Variants in RAB28 observed in about 807,000 individuals in gnomAD.
RAB28 encodes RAB28, member RAS oncogene family.
RAB28 carries 24 observed loss-of-function variants against 31.7 expected under a neutral mutation model. That is an observed-to-expected ratio of 0.76 (90% confidence interval 0.55 to 1.06). RAB28 has a LOEUF of 1.06. Among genes scored for constraint, RAB28 ranks in the 50% least tolerant of loss-of-function variants. The pLI, the probability that RAB28 is intolerant of heterozygous loss-of-function variation, is 0.00. For missense variants in RAB28, 254 were observed against 258.5 expected (o/e 0.98, Z 0.12); for synonymous variants, 100 against 90.4 (o/e 1.11, Z -0.60).
chr4:13,381,134 T>C (rs975395518), intron 5 of RAB28, among the ~76,000 whole-genome samples: 1 of 151,874 alleles, frequency 6.6e-6, no homozygotes, highest in Non-Finnish European at 1.5e-5. Context: ...ACAATATCTA[T>C]AATAAAGTAA....
intron 4 of RAB28, among the ~76,000 whole-genome samples, chr4:13,435,477 T>C (rs1268681221): frequency 6.6e-6 from 1 of 151,784 alleles, no homozygotes; most frequent in Non-Finnish European, 1.5e-5. Flanking sequence ...ACTGATAGAC[T>C]GCCAGATAAA....
chr4:13,399,978 A>C (rs1711651243), intron 4 of RAB28, among the ~76,000 whole-genome samples: 2 of 152,096 alleles, frequency 1.3e-5, no homozygotes, highest in African/African-American at 4.8e-5. Flanking sequence ...ATATTCTTTT[A>C]TTTTTTTATT....
chr4:13,399,959 G>A (rs1206063437), intron 4 of RAB28, among the ~76,000 whole-genome samples: 1 of 152,084 alleles, frequency 6.6e-6, no homozygotes, highest in African/African-American at 2.4e-5. Flanking sequence ...CACATTCTAA[G>A]TAGAAAAGAT....
Position 13,484,227 on chromosome 4 carries a change from G to T in RAB28, c.-77C>A. On this transcript the variant is annotated 5_prime_UTR_variant, in exon 1 of 7. Coordinates refer to ENST00000330852, the MANE Select transcript of RAB28 (RefSeq NM_001017979.3). ...TGAAGGCTCCGGGGGCGGGGGAGAG[G>T]AGGAAGGGAGGTAGTTGCGGCAGGA... 8.5e-7 allele frequency: 1 copy of T among 1,180,136 alleles called. No homozygotes were observed. The highest frequency in any genetic ancestry group is 1.2e-6 in the Non-Finnish European group (1 of 811,230). 73.1% of individuals were successfully genotyped at this position (1,180,136 alleles called of 1,614,324 possible). A position where few individuals can be genotyped will look rare whatever the true frequency, so the allele number is the denominator to read the frequency against.
chr4:13,476,008 C>G (rs138595227), intron 2 of RAB28, among the ~76,000 whole-genome samples: 1,759 of 151,554 alleles, frequency 0.012, 13 homozygotes, highest in Non-Finnish European at 0.018. Context: ...AAAGACAGTG[C>G]TTAACAATAC....
chr4:13,472,129 C>T (rs1407114866), intron 3 of RAB28, among the ~76,000 whole-genome samples: 2 of 151,676 alleles, frequency 1.3e-5, no homozygotes, highest in African/African-American at 4.8e-5. Flanking sequence ...TAAATGACAC[C>T]GATTATATAC....
At chr4:13,454,434 T>C (rs1460726290) in intron 4 of RAB28, among the ~76,000 whole-genome samples, 1 of 152,204 alleles carries the variant, frequency 6.6e-6, no homozygotes, top group Non-Finnish European at 1.5e-5. Context: ...TGTTGATTTC[T>C]ATGCATCTGG....
chr4:13,420,058 A>C (rs1713035030), intron 4 of RAB28, among the ~76,000 whole-genome samples: 1 of 152,222 alleles, frequency 6.6e-6, no homozygotes, highest in East Asian at 1.9e-4. Context: ...GATGCAATAA[A>C]AAATGATAAA....
intron 4 of RAB28, among the ~76,000 whole-genome samples, chr4:13,445,319 T>C (rs1269207579): frequency 1.3e-5 from 2 of 152,002 alleles, no homozygotes; most frequent in Non-Finnish European, 2.9e-5. Flanking sequence ...CATTGGGTTA[T>C]AGCTCAGCGA....
chr4:13,412,386 C>T (rs115012213), intron 4 of RAB28, among the ~76,000 whole-genome samples: 2 of 151,982 alleles, frequency 1.3e-5, no homozygotes, highest in Non-Finnish European at 2.9e-5. Context: ...ATCTATACAC[C>T]GCAAGCAACT....
Position 13,460,775 on chromosome 4 carries a change from T to C in RAB28, c.315A>G (p.Glu105=), listed in dbSNP as rs781604848. 6 of 1,613,928 alleles carry C rather than the reference T, an allele frequency of 3.7e-6. No individual in the cohort carries two copies. The highest frequency in any genetic ancestry group is 5.1e-6 in the Non-Finnish European group (6 of 1,179,860). The change falls in exon 4 of 7, where the codon GAA becomes GAG. Residue 105 remains glutamate, a synonymous_variant. Transcript: ENST00000330852. ...CTTTCTTCACCACAGTATACCAATCTTCTAAATTCTCAAAGCTTTGATAAT... is the reference window on the plus strand; with the variant it reads ...CTTTCTTCACCACAGTATACCAATCCTCTAAATTCTCAAAGCTTTGATAAT... ...ITNYQSFENL[E]DWYTVVKKVS... is the part of the protein sequence containing the mutation.
At chr4:13,387,635 G>T (rs559318403) in intron 4 of RAB28, among the ~76,000 whole-genome samples, 105 of 152,042 alleles carry the variant, frequency 6.9e-4, no homozygotes, top group Non-Finnish European at 9.7e-4. Flanking sequence ...GCTTGAACAT[G>T]ACATCTTTTG....
At chr4:13,432,514 G>GA (rs1553872481) in intron 4 of RAB28, among the ~76,000 whole-genome samples, 1 of 151,640 alleles carries the variant, frequency 6.6e-6, no homozygotes, top group Non-Finnish European at 1.5e-5. Context: ...CAATGCAAAA[G>GA]AAAAAAAATC....
chr4:13,403,331 G>T (rs1350800067), intron 4 of RAB28, among the ~76,000 whole-genome samples: 1 of 152,116 alleles, frequency 6.6e-6, no homozygotes, highest in Non-Finnish European at 1.5e-5. Flanking sequence ...AGAAAAACAG[G>T]TCATGGGTCA....
At chr4:13,378,713 T>A (rs1729014995) in intron 5 of RAB28, among the ~76,000 whole-genome samples, 1 of 152,102 alleles carries the variant, frequency 6.6e-6, no homozygotes, top group Non-Finnish European at 1.5e-5. Flanking sequence ...TGGCCCTAGC[T>A]AGAATAGATC....
At chr4:13,392,767 GATAAGTATGTGAGGAA>G (rs1313476546) in intron 4 of RAB28, among the ~76,000 whole-genome samples, 5 of 152,150 alleles carry the variant, frequency 3.3e-5, no homozygotes, top group African/African-American at 7.2e-5. Context: ...ACAAAAAAAT[GATAAGTATGTGAGGAA>G]ATAAATACGT....
At chr4:13,469,338 T>C (rs921639903) in intron 3 of RAB28, among the ~76,000 whole-genome samples, 7 of 152,050 alleles carry the variant, frequency 4.6e-5, no homozygotes, top group Non-Finnish European at 8.8e-5. Flanking sequence ...ATCTCTCTCC[T>C]ATGTCTTCAT....
At chr4:13,482,057 T>C (rs922604612) in intron 1 of RAB28, among the ~76,000 whole-genome samples, 10 of 152,170 alleles carry the variant, frequency 6.6e-5, no homozygotes, top group Non-Finnish European at 1.3e-4. Flanking sequence ...TAGAAAAAGC[T>C]GTTACAGTTT....
Position 13,423,958 on chromosome 4 carries a change from T to TA in RAB28, c.391+36740dup, listed in dbSNP as rs375203902. On this transcript the variant is annotated intron_variant, in intron 4 of 6. Coordinates refer to ENST00000330852, the MANE Select transcript of RAB28 (RefSeq NM_001017979.3). ...TCATAAGCTTGGAGGTACAAAAGGT[T>TA]AAAAAAAAAACTATACCAAGACTAG... Among the ~76,000 whole-genome samples, 716 of 147,670 alleles carry TA rather than the reference T, an allele frequency of 4.8e-3. 5 individuals carry two copies. The highest frequency in any genetic ancestry group is 0.016 in the African/African-American group (653 of 40,344).
Sources: allele counts gnomAD v4.1 joint callset (sites outside exome capture counted in the v4.1 genomes callset), GRCh38; gene constraint gnomAD v4.1.1; transcripts MANE v1.5; gene names NCBI Gene and HGNC (gene_info 2026-07-23, HGNC 2026-07-21).